GNAL: variants seen among roughly 807,000 people sequenced by gnomAD.
The protein encoded by GNAL is guanine nucleotide-binding protein G(olf) subunit alpha.
GNAL carries 18 observed loss-of-function variants against 55.1 expected under a neutral mutation model. The ratio of observed to expected loss-of-function variants is 0.33; its 90% confidence interval spans 0.23 to 0.48. GNAL has a LOEUF of 0.48. GNAL is among the 20% of genes least tolerant of loss of function. The pLI, the probability that GNAL is intolerant of heterozygous loss-of-function variation, is 0.99. For missense variants in GNAL, 412 were observed against 614.1 expected, an observed-to-expected ratio of 0.67 and a Z score of 3.48; for synonymous variants, 253 against 237.0, an observed-to-expected ratio of 1.07 and a Z score of -0.62.
At position 11,705,242 on chromosome 18, in the gene GNAL, C is replaced by CTGT. The variant is rs1555641177; in HGVS notation, c.376+15303_376+15304insTGT. ...TCTGTGACTGGCTTAACTCAGCATT[C>CTGT]CCTCCAGGTTCATCCATGTTGTTGC... is the stretch of plus-strand genomic sequence containing the variant. On this transcript the variant is annotated intron_variant, in intron 1 of 11. Coordinates refer to ENST00000334049, the MANE Select transcript of GNAL (RefSeq NM_182978.4). 6.1e-3 allele frequency among the ~76,000 whole-genome samples: 934 copies of CTGT among 152,292 alleles called. 4 individuals are homozygous for CTGT. Among genetic ancestry groups the CTGT allele is most frequent in the African/African-American group, 0.021 (875 of 41,544 alleles).
At chr18:11,695,031 A>G (rs889502856) in intron 1 of GNAL, among the ~76,000 whole-genome samples, 9 of 152,112 alleles carry the variant, frequency 5.9e-5, no homozygotes, top group African/African-American at 2.2e-4. Context: ...TAAGGGCCCT[A>G]TGTCCAAATA....
rs537160039 is a variant in GNAL, at chr18:11,861,552, T to C, written c.723-843T>C. ...AGTGGAGAAGATAAATAACAACAGA[T>C]CAACCAAGAGTCAGTGGGAAACGTG... On this transcript the variant is annotated intron_variant, in intron 5 of 11. Coordinates refer to ENST00000334049, the MANE Select transcript of GNAL (RefSeq NM_182978.4). Among the ~76,000 whole-genome samples the C allele has an allele frequency of 5.2e-3, 795 of 152,216 alleles. 7 individuals carry two copies. Among genetic ancestry groups the C allele is most frequent in the Non-Finnish European group, 9.0e-3 (610 of 67,998 alleles).
chr18:11,701,888 A>G (rs2031581142), intron 1 of GNAL, among the ~76,000 whole-genome samples: 1 of 152,160 alleles, frequency 6.6e-6, no homozygotes, highest in Admixed American at 6.5e-5. Context: ...CATTTTGTAG[A>G]TTGCACCATG....
chr18:11,734,668 T>A (rs186135974), intron 1 of GNAL, among the ~76,000 whole-genome samples: 1 of 151,148 alleles, frequency 6.6e-6, no homozygotes, highest in African/African-American at 2.4e-5. Context: ...CAGGTGAGGT[T>A]TTAGGTTGCA....
intron 4 of GNAL, among the ~76,000 whole-genome samples, chr18:11,796,000 T>C (rs2034368362): frequency 6.6e-6 from 1 of 152,224 alleles, no homozygotes; most frequent in Non-Finnish European, 1.5e-5. Context: ...GACCCAGTTA[T>C]GAGGTTCATC....
chr18:11,702,496 C>T (rs1038619923), intron 1 of GNAL, among the ~76,000 whole-genome samples: 1 of 152,206 alleles, frequency 6.6e-6, no homozygotes, highest in Admixed American at 6.5e-5. Flanking sequence ...TGTAGAGCAG[C>T]TTGTCTATTG....
intron 1 of GNAL, among the ~76,000 whole-genome samples, chr18:11,697,898 C>T (rs2143304394): frequency 6.6e-6 from 1 of 152,292 alleles, no homozygotes; most frequent in Non-Finnish European, 1.5e-5. Context: ...CCTTGGGTCT[C>T]AGAGAGGCTG....
Position 11,796,697 on chromosome 18 carries a change from A to G in GNAL, c.625-28221A>G, listed in dbSNP as rs114253366. Among the ~76,000 whole-genome samples the G allele has an allele frequency of 1.3e-3, 193 of 152,068 alleles. 1 individual carries two copies. Among genetic ancestry groups the G allele is most frequent in the African/African-American group, 4.5e-3 (185 of 41,484 alleles). On this transcript the variant is annotated intron_variant, in intron 4 of 11. Transcript: ENST00000334049. ...CATAGAAACAGGTATAACCATTTTA[A>G]TTAAATTAGGATCTCAGTATAGCTA... is the stretch of plus-strand genomic sequence containing the variant.
intron 4 of GNAL, chr18:11,810,596 G>A (rs1464891995): frequency 6.6e-6 from 1 of 152,326 alleles, no homozygotes; most frequent in African/African-American, 2.4e-5. Context: ...GGAGCCTGCA[G>A]GGAGGGGCTG....
intron 4 of GNAL, among the ~76,000 whole-genome samples, chr18:11,803,315 A>G (rs1398088983): frequency 1.3e-5 from 2 of 152,220 alleles, no homozygotes; most frequent in Admixed American, 1.3e-4. Flanking sequence ...GGAATCATCC[A>G]GTATTCGTCC....
chr18:11,709,178 C>T (rs2031780726), intron 1 of GNAL, among the ~76,000 whole-genome samples: 1 of 152,038 alleles, frequency 6.6e-6, no homozygotes, highest in East Asian at 1.9e-4. Flanking sequence ...TATGCCAGTA[C>T]CATACTGTTT....
chr18:11,749,155 C>T (rs7227416), intron 1 of GNAL, among the ~76,000 whole-genome samples: 48,414 of 147,162 alleles, frequency 0.33, 8,931 homozygotes, highest in African/African-American at 0.49. Flanking sequence ...AAAAAAACCT[C>T]ACCTTCTGAC....
intron 5 of GNAL, among the ~76,000 whole-genome samples, chr18:11,832,898 G>A (rs73407461): frequency 0.016 from 2,448 of 152,040 alleles, 68 homozygotes; most frequent in African/African-American, 0.057. Context: ...TTTAAAAAAT[G>A]AGATGAAAGG....
rs914622908 is a variant in GNAL, at chr18:11,868,424, A to G, written c.911-119A>G. ...CACCTGCAGGCTGTTCTGTGACTGA[A>G]TAGTCCTATCACTGAATGAATGTTT... On this transcript the variant is annotated intron_variant, in intron 8 of 11. Coordinates refer to ENST00000334049, the MANE Select transcript of GNAL (RefSeq NM_182978.4). This position sits in a 1 kb window ranked among gnomAD's most constrained non-coding sequence, Gnocchi z 4.0. The G allele has an allele frequency of 1.8e-5, 15 of 829,534 alleles. No homozygotes were observed. The highest frequency in any genetic ancestry group is 2.3e-5 in the Non-Finnish European group (12 of 530,148). The allele number at this position is 829,534 out of a possible 1,614,324, so 51.4% of individuals were successfully genotyped here.
In GNAL at chr18:11,885,029, C is replaced by T. The variant is rs1209417731; in HGVS notation, c.*3894C>T. 7.7e-7 allele frequency: 1 copy of T among 1,295,932 alleles called. No individual in the cohort carries two copies. The highest frequency in any genetic ancestry group is 1.2e-5 in the South Asian group (1 of 80,798). The allele number at this position is 1,295,932 out of a possible 1,614,324, so 80.3% of individuals were successfully genotyped here. On this transcript the variant is annotated 3_prime_UTR_variant, in exon 12 of 12. Transcript: ENST00000334049. ...TGTCTTCCTGCCCCTTGATGCTCAA[C>T]TAAGCATCTGTTCCCTAGAAATACA...
intron 2 of GNAL, among the ~76,000 whole-genome samples, chr18:11,753,305 C>T (rs568673347): frequency 4.6e-5 from 7 of 152,252 alleles, no homozygotes; most frequent in East Asian, 3.9e-4. Flanking sequence ...AGGTAAAATA[C>T]ATTTACAGGT....
intron 1 of GNAL, among the ~76,000 whole-genome samples, chr18:11,708,663 A>G (rs576995804): frequency 2.0e-5 from 3 of 152,356 alleles, no homozygotes; most frequent in South Asian, 2.1e-4. Context: ...TATAAATGCA[A>G]TATCTGCAAA....
rs1951823877 is a variant in GNAL at position 11,689,868 on chromosome 18, G to C, written c.305G>C (p.Ser102Thr). Residue 102 changes from serine (S) to threonine (T), a missense_variant, in exon 1 of 12, where the codon AGC becomes ACC. This residue lies in a region of GNAL where 228 missense variants were observed against 194.8 expected (regional missense o/e 1.17). Transcript: ENST00000334049. ...GCGGTCAAGGAGGCGAGGAAAGTGA[G>C]CCGGGGCATCGACCGCATGCTGCGC... Reference protein sequence around the residue: ...REAVKEARKVSRGIDRMLRDQ... With the variant: ...REAVKEARKVTRGIDRMLRDQ... 2.6e-6 allele frequency: 4 copies of C among 1,514,552 alleles called. No individual in the cohort carries two copies. The highest frequency in any genetic ancestry group is 3.5e-6 in the Non-Finnish European group (4 of 1,134,194). 93.8% of individuals were successfully genotyped at this position (1,514,552 alleles called of 1,614,324 possible). A position where few individuals can be genotyped will look rare whatever the true frequency, so the allele number is the denominator to read the frequency against.
intron 5 of GNAL, among the ~76,000 whole-genome samples, chr18:11,861,224 A>G (rs2036127588): frequency 6.6e-6 from 1 of 152,126 alleles, no homozygotes; most frequent in Non-Finnish European, 1.5e-5. Context: ...CAGCACCAAC[A>G]GAGAGCCTGG....
Sources: allele counts gnomAD v4.1 joint callset (sites outside exome capture counted in the v4.1 genomes callset), GRCh38; gene constraint gnomAD v4.1.1; regional missense constraint gnomAD v4.1.1; non-coding constraint Gnocchi (gnomAD v3.1); transcripts MANE v1.5; gene names NCBI Gene and HGNC (gene_info 2026-07-23, HGNC 2026-07-21).